Variants in NUP210L observed in about 807,000 individuals in gnomAD.
NUP210L encodes nucleoporin 210 like, also known as nuclear pore membrane glycoprotein 210-like.
NUP210L carries 74 observed loss-of-function variants against 208.5 expected under a neutral mutation model. That is an observed-to-expected ratio of 0.35 (90% CI 0.29 to 0.43). The LOEUF is 0.43. NUP210L is among the 20% of genes least tolerant of loss of function. NUP210L has a pLI of 1.00. For missense variants in NUP210L, 1,843 were observed against 2,289.4 expected, an observed-to-expected ratio of 0.81 and a Z score of 3.98; for synonymous variants, 780 against 816.9, an observed-to-expected ratio of 0.95 and a Z score of 0.77.
intron 2 of NUP210L, among the ~76,000 whole-genome samples, chr1:154,151,557 A>G (rs548275392): frequency 4.9e-4 from 74 of 152,264 alleles, no homozygotes; most frequent in African/African-American, 1.7e-3. Flanking sequence ...GATGACTCAG[A>G]TGTACTAGGA....
intron 12 of NUP210L, among the ~76,000 whole-genome samples, chr1:154,107,102 T>G (rs1656804496): frequency 1.3e-5 from 2 of 152,030 alleles, no homozygotes; most frequent in Non-Finnish European, 2.9e-5. Flanking sequence ...TTGCATAAGT[T>G]CAATGAAATT....
At chr1:154,127,363 A>T (rs779089043) in exon 9 of NUP210L, 1 of 1,608,574 alleles carries the variant, frequency 6.2e-7, no homozygotes, top group Non-Finnish European at 8.5e-7. Context: ...TACTGTAATG[A>T]CATATACCTG....
At chr1:154,113,472 A>T (rs1177108114) in intron 12 of NUP210L, among the ~76,000 whole-genome samples, 1 of 152,050 alleles carries the variant, frequency 6.6e-6, no homozygotes, top group South Asian at 2.1e-4. Flanking sequence ...ACAATGAGCT[A>T]AGAACAGTTT....
At chr1:154,000,370 A>G (rs1650140694) in intron 37 of NUP210L, among the ~76,000 whole-genome samples, 2 of 152,098 alleles carry the variant, frequency 1.3e-5, no homozygotes, top group Admixed American at 1.3e-4. Context: ...TGAACCCTCT[A>G]CGTACTATGT....
Position 154,011,999 on chromosome 1 carries a change from C to T in NUP210L, c.4780+245G>A, listed in dbSNP as rs368263718. Among the ~76,000 whole-genome samples the T allele has an allele frequency of 1.1e-3, 170 of 151,978 alleles. 1 individual carries two copies. The highest frequency in any genetic ancestry group is 2.0e-3 in the Non-Finnish European group (138 of 67,994). ...TGCTGGGATTATAGGTGTAAGCCAC[C>T]GCGCCCGGCCTAAAATTTGTATTTT... On this transcript the variant is annotated intron_variant, in intron 34 of 39. Transcript: ENST00000368559.
At chr1:154,036,528 C>G (rs1432235913) in intron 27 of NUP210L, among the ~76,000 whole-genome samples, 4 of 151,276 alleles carry the variant, frequency 2.6e-5, no homozygotes, top group Non-Finnish European at 5.9e-5. Flanking sequence ...CCGTGCCCAG[C>G]TAATTTTTGT....
At chr1:154,027,689 C>T in intron 28 of NUP210L, 92 bp from the exon 29 acceptor site, 1 of 755,540 alleles carries the variant, frequency 1.3e-6, no homozygotes, top group Admixed American at 2.5e-5. Context: ...GAAGAGATTA[C>T]ATGCAAATAA....
At chr1:154,124,286 A>C (rs1657773205) in intron 10 of NUP210L, among the ~76,000 whole-genome samples, 1 of 152,138 alleles carries the variant, frequency 6.6e-6, no homozygotes, top group South Asian at 2.1e-4. Flanking sequence ...GCACTTAATA[A>C]TGTATTGAAT....
Position 154,135,957 on chromosome 1 carries a change from AG to A in NUP210L, c.865del (p.Leu289TrpfsTer33). On this transcript the variant is annotated frameshift_variant, in exon 7 of 40. Transcript: ENST00000368559. LOFTEE classifies it high-confidence loss of function. ...TTGCAATTCCAGTATATAATGTTCCAGGGGAAATTTCACCTCTGTAAGACAT... is the reference window on the plus strand; with the variant it reads ...TTGCAATTCCAGTATATAATGTTCCAGGGAAATTTCACCTCTGTAAGACAT... The A allele has an allele frequency of 6.2e-7, 1 of 1,604,828 alleles. No individual in the cohort carries two copies. The highest frequency in any genetic ancestry group is 1.1e-5 in the South Asian group (1 of 90,862).
At chr1:154,116,254 CAAA>C (rs34151144) in intron 12 of NUP210L, among the ~76,000 whole-genome samples, 8 of 91,452 alleles carry the variant, frequency 8.7e-5, no homozygotes, top group South Asian at 3.5e-4. Flanking sequence ...GACTCCATCT[CAAA>C]AAAAAAAAAA....
chr1:154,120,895 C>CA lies in NUP210L; in HGVS notation c.1327-2088dup, dbSNP rs34261242. On this transcript the variant is annotated intron_variant, in intron 10 of 39. Coordinates refer to ENST00000368559, the Ensembl canonical transcript of NUP210L. ...TGGGAGACAGGGCGAGACTCTGTCTCAAAAAAAAAAAAAAAAAAAAAGTAG... is the reference window on the plus strand; with the variant it reads ...TGGGAGACAGGGCGAGACTCTGTCTCAAAAAAAAAAAAAAAAAAAAAAGTAG... Among the ~76,000 whole-genome samples the CA allele has an allele frequency of 9.1e-3, 744 of 82,138 alleles. 5 individuals carry two copies. The highest frequency in any genetic ancestry group is 0.028 in the Middle Eastern group (5 of 180). 53.9% of individuals were successfully genotyped at this position (82,138 alleles called of 152,430 possible).
intron 37 of NUP210L, among the ~76,000 whole-genome samples, chr1:153,996,295 CAA>C (rs1321865937): frequency 6.6e-6 from 1 of 152,102 alleles, no homozygotes; most frequent in Non-Finnish European, 1.5e-5. Flanking sequence ...CTATTTCAAA[CAA>C]AACAAAACAA....
chr1:154,142,151 CAA>C (rs755281421), intron 3 of NUP210L, among the ~76,000 whole-genome samples: 33 of 98,364 alleles, frequency 3.4e-4, no homozygotes, highest in Admixed American at 4.3e-4. Flanking sequence ...ACTCTGTATC[CAA>C]AAAAAAAAAA....
intron 6 of NUP210L, among the ~76,000 whole-genome samples, chr1:154,137,529 T>G: frequency 7.0e-6 from 1 of 143,244 alleles, no homozygotes; most frequent in African/African-American, 2.6e-5. Flanking sequence ...CCAGCCTGGG[T>G]GACAGAGAGA....
intron 10 of NUP210L, among the ~76,000 whole-genome samples, chr1:154,123,696 A>G (rs993252879): frequency 9.3e-5 from 14 of 150,426 alleles, no homozygotes; most frequent in Non-Finnish European, 1.9e-4. Flanking sequence ...TGGCCAACAT[A>G]GTAAAACCTT....
intron 13 of NUP210L, among the ~76,000 whole-genome samples, chr1:154,100,983 A>T (rs998969242): frequency 2.0e-5 from 3 of 151,420 alleles, no homozygotes; most frequent in Non-Finnish European, 4.4e-5. Context: ...GACCAGCCTG[A>T]CCAACATGGA....
chr1:154,063,344 T>C (rs1654236799), intron 17 of NUP210L, among the ~76,000 whole-genome samples: 1 of 152,204 alleles, frequency 6.6e-6, no homozygotes. Flanking sequence ...ATGCAATATA[T>C]GCAAAGGAAA....
chr1:154,010,836 C>T (rs1650866418), intron 34 of NUP210L, among the ~76,000 whole-genome samples: 1 of 151,994 alleles, frequency 6.6e-6, no homozygotes, highest in African/African-American at 2.4e-5. Flanking sequence ...CGCCATTGCA[C>T]TCCAGCCTTG....
chr1:154,032,950 G>GAAGAAAAGAAAAGAAGAGAAAAGAA (rs1652318491), intron 27 of NUP210L, among the ~76,000 whole-genome samples: 1 of 124,468 alleles, frequency 8.0e-6, no homozygotes, highest in African/African-American at 3.2e-5. Context: ...AAGAAAGAAA[G>GAAGAAAAGAAAAGAAGAGAAAAGAA]AAGAAAAGAA....
Sources: gnomAD v4.1 joint callset for allele counts (sites outside exome capture counted in the v4.1 genomes callset) on GRCh38, gnomAD v4.1.1 for gene constraint, MANE v1.5 for transcripts, NCBI Gene and HGNC (gene_info 2026-07-23, HGNC 2026-07-21) for gene names.